PAK1: variants seen among roughly 807,000 people sequenced by gnomAD.
PAK1 encodes p21 (RAC1) activated kinase 1.
In PAK1, 29 loss-of-function variants were observed where a neutral mutation model predicts 67.4. The observed-to-expected ratio is 0.43, with a 90% confidence interval of 0.32 to 0.59. PAK1 has a LOEUF of 0.59. Among genes scored for constraint, PAK1 ranks in the 20% least tolerant of loss-of-function variants. The pLI, the probability that PAK1 is intolerant of heterozygous loss-of-function variation, is 0.07. For synonymous variants in PAK1, 223 were observed against 237.4 expected, an observed-to-expected ratio of 0.94 and a Z score of 0.56; for missense variants, 337 against 670.7, an observed-to-expected ratio of 0.50 and a Z score of 5.50.
At chr11:77,323,386 AC>A in intron 14 of PAK1, 26 bp from the exon 15 acceptor site, 1 of 1,379,296 alleles carries the variant, frequency 7.3e-7, no homozygotes, top group Middle Eastern at 1.8e-4. Flanking sequence ...ATAGCAAAAG[AC>A]ACATGACTAT....
At chr11:77,399,858 C>CAAAAAAAAAAAAAAAAAA (rs34662738) in intron 1 of PAK1, among the ~76,000 whole-genome samples, 2 of 42,370 alleles carry the variant, frequency 4.7e-5, no homozygotes, top group African/African-American at 7.7e-5. Context: ...GACTCCGTCT[C>CAAAAAAAAAAAAAAAAAA]AAAAAAAAAA....
intron 1 of PAK1, among the ~76,000 whole-genome samples, chr11:77,411,496 G>A (rs2138037563): frequency 6.6e-6 from 1 of 151,924 alleles, no homozygotes; most frequent in East Asian, 1.9e-4. Context: ...TTGCAAAGGA[G>A]CAGAGCTTCT....
chr11:77,403,782 ATG>A (rs1257405688), intron 1 of PAK1, among the ~76,000 whole-genome samples: 4 of 152,240 alleles, frequency 2.6e-5, no homozygotes, highest in African/African-American at 9.6e-5. Context: ...CTTGAAAGTT[ATG>A]ATTACCTTCT....
At chr11:77,509,495 A>G in the PAK1 span, among the ~76,000 whole-genome samples, 1 of 152,218 alleles carries the variant, frequency 6.6e-6, no homozygotes, top group Non-Finnish European at 1.5e-5. Flanking sequence ...TTTGTCTCCC[A>G]GGCCAATTGT....
At chr11:77,496,353 G>A in the PAK1 span, among the ~76,000 whole-genome samples, 3 of 152,234 alleles carry the variant, frequency 2.0e-5, no homozygotes, top group African/African-American at 7.2e-5. Flanking sequence ...GGCTGGGCAA[G>A]GTGGCTCGAT....
intron 14 of PAK1, among the ~76,000 whole-genome samples, chr11:77,324,322 G>A (rs557892848): frequency 2.0e-5 from 3 of 151,902 alleles, no homozygotes; most frequent in Admixed American, 6.6e-5. Context: ...ACAGGCGCCC[G>A]CCACCACACC....
At chr11:77,349,125 A>C (rs778796316) in intron 9 of PAK1, 114 bp downstream of exon 9, 39 of 143,630 alleles carry the variant, frequency 2.7e-4, no homozygotes, top group South Asian at 6.0e-4. Flanking sequence ...ACCCCATCCC[A>C]AAAAAAAAAA....
chr11:77,502,536 A>G, the PAK1 span, among the ~76,000 whole-genome samples: 2 of 152,190 alleles, frequency 1.3e-5, no homozygotes, highest in Non-Finnish European at 2.9e-5. Context: ...CTCCCTGCAA[A>G]AATGCAGAAA....
At chr11:77,480,238 TCCTTTCAG>T in the PAK1 span, among the ~76,000 whole-genome samples, 2 of 152,108 alleles carry the variant, frequency 1.3e-5, no homozygotes, top group African/African-American at 4.8e-5. Flanking sequence ...GCTCCCTCAC[TCCTTTCAG>T]GTTTCTGCTC....
At chr11:77,436,183 A>AG (rs1565701860) in intron 1 of PAK1, among the ~76,000 whole-genome samples, 1 of 152,176 alleles carries the variant, frequency 6.6e-6, no homozygotes, top group Non-Finnish European at 1.5e-5. Context: ...AGGGAGAGTA[A>AG]GGTTTCCCTG....
Position 77,343,800 on chromosome 11 carries a change from G to T in PAK1, c.998+19C>A. ...GTCCCAAAGGCCCTTTCCCTCTGAT[G>T]GGACCCACCACTCCATACCTGTCCA... On this transcript the variant is annotated intron_variant, in intron 10 of 14. Coordinates refer to ENST00000356341, the MANE Select transcript of PAK1 (RefSeq NM_002576.5). 6.9e-7 allele frequency: 1 copy of T among 1,443,342 alleles called. No individual in the cohort carries two copies. Among genetic ancestry groups the T allele is most frequent in the South Asian group, 1.1e-5 (1 of 87,660 alleles). 89.4% of individuals were successfully genotyped at this position (1,443,342 alleles called of 1,614,324 possible).
intron 12 of PAK1, among the ~76,000 whole-genome samples, chr11:77,337,023 C>A (rs1225078350): frequency 4.0e-5 from 6 of 150,738 alleles, no homozygotes; most frequent in African/African-American, 1.5e-4. Flanking sequence ...ATCTATTACA[C>A]GTTTTCCATA....
chr11:77,365,816 G>C (rs889254779), intron 5 of PAK1, among the ~76,000 whole-genome samples: 2 of 150,976 alleles, frequency 1.3e-5, no homozygotes, highest in South Asian at 4.2e-4. Context: ...CTGGGCGACA[G>C]AGCGAGACTC....
chr11:77,350,529 A>C (rs1451358642), intron 8 of PAK1, among the ~76,000 whole-genome samples: 1 of 152,212 alleles, frequency 6.6e-6, no homozygotes, highest in Non-Finnish European at 1.5e-5. Flanking sequence ...TTTGTAGGTA[A>C]GTAATTTGTA....
At chr11:77,512,238 T>C in the PAK1 span, among the ~76,000 whole-genome samples, 120 of 152,234 alleles carry the variant, frequency 7.9e-4, no homozygotes, top group African/African-American at 2.8e-3. Context: ...CAGTTCCCCC[T>C]TTGTGGTTCC....
intron 1 of PAK1, among the ~76,000 whole-genome samples, chr11:77,394,802 G>A (rs572263995): frequency 1.7e-4 from 26 of 152,218 alleles, no homozygotes; most frequent in African/African-American, 5.5e-4. Flanking sequence ...CTGAGATCAC[G>A]CCACTGCATT....
intron 8 of PAK1, among the ~76,000 whole-genome samples, chr11:77,352,593 C>T (rs1396483560): frequency 6.6e-6 from 1 of 152,160 alleles, no homozygotes; most frequent in Non-Finnish European, 1.5e-5. Flanking sequence ...TCCTAGGCCT[C>T]GACATTCACT....
the PAK1 span, among the ~76,000 whole-genome samples, chr11:77,509,726 GTA>G: frequency 6.6e-6 from 1 of 152,254 alleles, no homozygotes; most frequent in South Asian, 2.1e-4. Context: ...TCATTTAAAA[GTA>G]TGTGGCACCT....
At chr11:77,505,661 A>G in the PAK1 span, among the ~76,000 whole-genome samples, 15 of 152,350 alleles carry the variant, frequency 9.8e-5, no homozygotes, top group East Asian at 2.7e-3. Flanking sequence ...GGAATCACAC[A>G]GTATTTGTCC....
Sources: allele counts gnomAD v4.1 joint callset (sites outside exome capture counted in the v4.1 genomes callset), GRCh38; gene constraint gnomAD v4.1.1; transcripts MANE v1.5; gene names NCBI Gene and HGNC (gene_info 2026-07-23, HGNC 2026-07-21).